The following THUMPD3 variants were observed in gnomAD, a reference collection of about 807,000 sequenced individuals.
The protein encoded by THUMPD3 is THUMP domain 3 tRNA guanosine methyltransferase.
Under a neutral mutation model 54.5 loss-of-function variants are expected in THUMPD3, and 44 were observed. That is an observed-to-expected ratio of 0.81 (90% CI 0.63 to 1.04). The LOEUF is 1.04. THUMPD3 is among the 50% of genes least tolerant of loss of function. THUMPD3 has a pLI of 0.00. For synonymous variants in THUMPD3, 196 were observed against 201.4 expected (o/e 0.97, Z 0.23); for missense variants, 604 against 601.3 (o/e 1.00, Z -0.05).
In THUMPD3 at chr3:9,374,723, G is replaced by C. The variant is rs2032328243; in HGVS notation, c.938+77G>C. 2.6e-6 allele frequency: 4 copies of C among 1,525,350 alleles called. No individual in the cohort carries two copies. In the Admixed American group the frequency reaches 7.0e-5, roughly 27 times the overall value. 94.5% of individuals were successfully genotyped at this position (1,525,350 alleles called of 1,614,324 possible). Reference sequence around the variant, plus strand: ...TTCCCTTCAAAATACTGATTTGTGTGTATGTGTGTTTGAGGTACTGTGTTG... The same window carrying C: ...TTCCCTTCAAAATACTGATTTGTGTCTATGTGTGTTTGAGGTACTGTGTTG... On this transcript the variant is annotated intron_variant, in intron 5 of 9. Transcript: ENST00000452837.
In THUMPD3 at chr3:9,384,273, G is replaced by A; in HGVS notation, c.1297G>A (p.Val433Ile). Reference sequence around the variant, plus strand: ...AGCTTGCCTACGGGAGATGAGCCGTGTCTGCACACCTACCACAGGCCGAGC... The same window carrying A: ...AGCTTGCCTACGGGAGATGAGCCGTATCTGCACACCTACCACAGGCCGAGC... ...YPACLREMSR[V>I]CTPTTGRAVL... Residue 433 changes from valine (V) to isoleucine (I), a missense_variant, in exon 9 of 10, where the codon GTC (valine) becomes ATC (isoleucine). Physicochemically the swap from Val to Ile is conservative, Grantham distance 29. Transcript: ENST00000452837. The A allele has an allele frequency of 3.1e-6, 5 of 1,614,190 alleles. No homozygotes were observed. Among genetic ancestry groups the A allele is most frequent in the Non-Finnish European group, 4.2e-6 (5 of 1,180,038 alleles).
intron 8 of THUMPD3, among the ~76,000 whole-genome samples, chr3:9,383,653 C>G (rs937009637): frequency 6.6e-6 from 1 of 151,776 alleles, no homozygotes; most frequent in African/African-American, 2.4e-5. Context: ...AGACAGAGCC[C>G]TGCTCTGTTG....
chr3:9,367,379 C>T (rs144714632), intron 3 of THUMPD3, among the ~76,000 whole-genome samples: 150 of 152,308 alleles, frequency 9.8e-4, no homozygotes, highest in Non-Finnish European at 1.2e-3. Flanking sequence ...GCTTTCTTCT[C>T]TTTCTTCATT....
In THUMPD3 at chr3:9,385,756, T is replaced by G. The variant is rs189111050; in HGVS notation, c.*1068T>G. On this transcript the variant is annotated 3_prime_UTR_variant, in exon 10 of 10. Coordinates refer to ENST00000452837, the MANE Select transcript of THUMPD3 (RefSeq NM_001114092.2). ...ACACAAACCTGTCAAGAGTATTTGT[T>G]GGCTAGTTTCTTAAAAGGCCAAGAG... 6.6e-6 allele frequency: 1 copy of G among 152,352 alleles called. No homozygotes were observed. Among genetic ancestry groups the G allele is most frequent in the African/African-American group, 2.4e-5 (1 of 41,588 alleles). The allele number at this position is 152,352 out of a possible 1,614,324, so 9.4% of individuals were successfully genotyped here.
intron 9 of THUMPD3, 26 bp downstream of exon 9, chr3:9,384,361 G>T (rs549627981): frequency 1.3e-6 from 2 of 1,598,382 alleles, no homozygotes; most frequent in South Asian, 2.3e-5. Flanking sequence ...GCTCAAAATC[G>T]CAGCCTGTGG....
rs2032802401 is a variant in THUMPD3, at chr3:9,380,530, CA to C, written c.1037del (p.His346LeufsTer11). The C allele has an allele frequency of 3.1e-6, 5 of 1,613,288 alleles. No individual in the cohort carries two copies. Among genetic ancestry groups the C allele is most frequent in the Non-Finnish European group, 4.2e-6 (5 of 1,179,586 alleles). On this transcript the variant is annotated frameshift_variant, in exon 7 of 10. Transcript: ENST00000452837. LOFTEE classifies it high-confidence loss of function. ...GGCCACTGAATGGTCTGACTGTTTC[CA>C]TATTGCTGGTGATAATAATCCACTG... ...EGATEWSDCF[H>X]IAGDNNPLAV... is the part of the protein sequence containing the mutation.
rs1054975 is a variant in THUMPD3 at position 9,365,152 on chromosome 3, T to C, written c.84T>C (p.Ser28=). 987,657 of 1,613,792 alleles carry C rather than the reference T, an allele frequency of 0.61. 304,241 individuals are homozygous for C. Among genetic ancestry groups the C allele is most frequent in the South Asian group, 0.78 (70,972 of 91,078 alleles). ...AGAAGTCTGTACAAGTGACAGAAAGTGACCTCGGAAGTGAATCTGAGCTTC... is the reference window on the plus strand; with the variant it reads ...AGAAGTCTGTACAAGTGACAGAAAGCGACCTCGGAAGTGAATCTGAGCTTC... ...ENQKSVQVTE[S]DLGSESELLV... Residue 28 remains serine (S), a synonymous_variant, in exon 2 of 10, where the codon AGT becomes AGC. Coordinates refer to ENST00000452837, the MANE Select transcript of THUMPD3 (RefSeq NM_001114092.2).
chr3:9,369,930 TTATG>T (rs1312810290), intron 3 of THUMPD3, among the ~76,000 whole-genome samples: 4 of 152,220 alleles, frequency 2.6e-5, no homozygotes, highest in Non-Finnish European at 5.9e-5. Context: ...TTTGGAAGGT[TTATG>T]TGTGTGTGTT....
chr3:9,367,014 T>C, intron 3 of THUMPD3, 29 bp downstream of exon 3: 1 of 1,557,990 alleles, frequency 6.4e-7, no homozygotes, highest in Non-Finnish European at 8.8e-7. Flanking sequence ...GGTGGCTGAT[T>C]TTTGGCTGTC....
rs2032311959 is a variant in THUMPD3 at position 9,374,542 on chromosome 3, A to C, written c.834A>C (p.Glu278Asp). ...VEVLLNIHDN[E>D]VIVGIALTEE... ...TTCTTTTGAACATCCATGATAATGA[A>C]GTCATTGTGGGCATTGCATTGACTG... The change falls in exon 5 of 10, where the codon GAA (glutamate) becomes GAC (aspartate). Residue 278 changes from glutamate to aspartate, a missense_variant. Physicochemically the swap from Glu to Asp is conservative, Grantham distance 45. Transcript: ENST00000452837. 1 of 1,613,858 alleles carries C rather than the reference A, an allele frequency of 6.2e-7. No individual in the cohort carries two copies. The highest frequency in any genetic ancestry group is 1.7e-5 in the Admixed American group (1 of 59,980).
intron 5 of THUMPD3, among the ~76,000 whole-genome samples, chr3:9,375,853 T>C (rs1031466832): frequency 6.6e-6 from 1 of 152,216 alleles, no homozygotes; most frequent in African/African-American, 2.4e-5. Flanking sequence ...GGTATTTGTG[T>C]ATCTAAACAT....
At position 9,385,032 on chromosome 3, in the gene THUMPD3, C is replaced by T. The variant is rs1016937716; in HGVS notation, c.*344C>T. The T allele has an allele frequency of 3.7e-5, 8 of 214,134 alleles. No individual in the cohort carries two copies. In the East Asian group the frequency reaches 9.2e-4, roughly 25 times the overall value. The allele number at this position is 214,134 out of a possible 1,614,324, so 13.3% of individuals were successfully genotyped here. A position where few individuals can be genotyped will look rare whatever the true frequency, so the allele number is the denominator to read the frequency against. ...GCGGGCGCCTGTAATCCCAACTACT[C>T]AGGAGGCTGAGGCTAGAGAATCACT... On this transcript the variant is annotated 3_prime_UTR_variant, in exon 10 of 10. Transcript: ENST00000452837.
At chr3:9,378,591 A>G (rs1279748257) in intron 6 of THUMPD3, among the ~76,000 whole-genome samples, 1 of 152,246 alleles carries the variant, frequency 6.6e-6, no homozygotes, top group Non-Finnish European at 1.5e-5. Flanking sequence ...GCCAATTTGA[A>G]TAAACTGCAG....
At chr3:9,375,253 A>G (rs539848748) in intron 5 of THUMPD3, among the ~76,000 whole-genome samples, 12 of 152,224 alleles carry the variant, frequency 7.9e-5, no homozygotes, top group Non-Finnish European at 1.6e-4. Context: ...GGGAGATAAG[A>G]GTAAATTTTG....
Position 9,365,187 on chromosome 3 carries a change from T to C in THUMPD3, c.119T>C (p.Ile40Thr), listed in dbSNP as rs367970254. 3.7e-6 allele frequency: 6 copies of C among 1,614,076 alleles called. No homozygotes were observed. In the African/African-American group the frequency reaches 4.0e-5, roughly 11 times the overall value. ...AGTGAATCTGAGCTTCTAGTCACTA[T>C]TGGAGCCACTGTACCTACTGGCTTT... Reference protein sequence around the residue: ...LGSESELLVTIGATVPTGFEQ... With the variant: ...LGSESELLVTTGATVPTGFEQ... The change falls in exon 2 of 10, where the codon ATT becomes ACT. Residue 40 changes from isoleucine to threonine, a missense_variant. Physicochemically the swap from Ile to Thr is moderately conservative, Grantham distance 89 (BLOSUM62 -1). Coordinates refer to ENST00000452837, the MANE Select transcript of THUMPD3 (RefSeq NM_001114092.2).
At position 9,363,108 on chromosome 3, in the gene THUMPD3, A is replaced by G. The variant is rs996369678; in HGVS notation, c.-73A>G. The G allele has an allele frequency of 3.9e-5, 6 of 152,418 alleles. No individual in the cohort carries two copies. Among genetic ancestry groups the G allele is most frequent in the African/African-American group, 9.7e-5 (4 of 41,448 alleles). The allele number at this position is 152,418 out of a possible 1,614,324, so 9.4% of individuals were successfully genotyped here. A position where few individuals can be genotyped will look rare whatever the true frequency, so the allele number is the denominator to read the frequency against. ...AGGCCAATGGAGTGTGGGAGCTGAA[A>G]GGGTCTTCGCTGGCGGCCGGTAACT... On this transcript the variant is annotated 5_prime_UTR_variant, in exon 1 of 10. Coordinates refer to ENST00000452837, the MANE Select transcript of THUMPD3 (RefSeq NM_001114092.2).
chr3:9,373,720 T>G lies in THUMPD3; in HGVS notation c.808-796T>G, dbSNP rs1018418196. ...GATTGGGGAACATTTTGGTTTAGTT[T>G]AGTTCACTTTTGAGACAGGGTCTCG... On this transcript the variant is annotated intron_variant, in intron 4 of 9. Transcript: ENST00000452837. 3.3e-5 allele frequency among the ~76,000 whole-genome samples: 5 copies of G among 152,174 alleles called. No homozygotes were observed. In the South Asian group the frequency reaches 1.0e-3, roughly 32 times the overall value.
chr3:9,379,503 G>A (rs2648550), intron 6 of THUMPD3, among the ~76,000 whole-genome samples: 131,224 of 152,190 alleles, frequency 0.86, 56,842 homozygotes, highest in African/African-American at 0.93. Flanking sequence ...CCCGGCTTTC[G>A]TGTCAGAAAC....
chr3:9,364,467 C>G (rs918193082), intron 1 of THUMPD3, among the ~76,000 whole-genome samples: 5 of 152,140 alleles, frequency 3.3e-5, no homozygotes, highest in African/African-American at 1.2e-4. Context: ...CTCCCTCAGC[C>G]TCCCAAGTAG....
Sources: gnomAD v4.1 joint callset for allele counts (sites outside exome capture counted in the v4.1 genomes callset) on GRCh38, gnomAD v4.1.1 for gene constraint, MANE v1.5 for transcripts, NCBI Gene and HGNC (gene_info 2026-07-23, HGNC 2026-07-21) for gene names.